The following ROBO2 variants were observed in gnomAD, a reference collection of about 807,000 sequenced individuals.
The protein encoded by ROBO2 is roundabout homolog 2.
A neutral mutation model predicts 160.8 loss-of-function variants in ROBO2; 53 were observed. The ratio of observed to expected loss-of-function variants is 0.33; its 90% CI spans 0.26 to 0.41. The LOEUF (loss-of-function observed/expected upper bound fraction) is 0.41, where lower values mean the gene tolerates loss of function less well. ROBO2 is among the 10% of genes least tolerant of loss of function. The pLI is 1.00. For missense variants in ROBO2, 1,577 were observed against 1,722.4 expected (o/e 0.92, Z 1.49); for synonymous variants, 664 against 611.7 (o/e 1.09, Z -1.26).
At chr3:76,467,680 C>T (rs770803258) in intron 2 of ROBO2, among the ~76,000 whole-genome samples, 11 of 151,980 alleles carry the variant, frequency 7.2e-5, no homozygotes, top group Non-Finnish European at 1.3e-4. Flanking sequence ...GGAAGGAAGC[C>T]TGAAGTATAC....
intron 2 of ROBO2, among the ~76,000 whole-genome samples, chr3:77,341,097 C>T (rs962464493): frequency 4.6e-5 from 7 of 152,058 alleles, no homozygotes; most frequent in Non-Finnish European, 8.8e-5. Context: ...GGAACGTAGC[C>T]ATGCTTATCA....
At chr3:76,434,047 A>C in intron 2 of ROBO2, 1 of 1,289,252 alleles carries the variant, frequency 7.8e-7, no homozygotes, top group Non-Finnish European at 1.1e-6. Context: ...TGGTAGAAAG[A>C]CTGGAGAGGG....
At chr3:76,008,232 C>CAAAAAAAAA (rs5850225) in intron 2 of ROBO2, among the ~76,000 whole-genome samples, 1 of 82,278 alleles carries the variant, frequency 1.2e-5, no homozygotes, top group Non-Finnish European at 2.4e-5. Flanking sequence ...AAGACTCTGT[C>CAAAAAAAAA]AAAAAAAAAA....
At chr3:77,568,181 T>C (rs2093542215) in intron 12 of ROBO2, 132 bp from the exon 14 acceptor site, 2 of 948,228 alleles carry the variant, frequency 2.1e-6, no homozygotes, top group Non-Finnish European at 3.3e-6. Flanking sequence ...TTAAATGCTT[T>C]TTGTCACAAG....
At chr3:76,692,891 C>T (rs892694921) in intron 2 of ROBO2, among the ~76,000 whole-genome samples, 7 of 151,686 alleles carry the variant, frequency 4.6e-5, no homozygotes, top group Non-Finnish European at 1.0e-4. Flanking sequence ...AACTCTCTCT[C>T]TCTCTCTCTA....
chr3:76,225,929 A>C (rs1180227885), intron 2 of ROBO2, among the ~76,000 whole-genome samples: 1 of 152,156 alleles, frequency 6.6e-6, no homozygotes, highest in Non-Finnish European at 1.5e-5. Flanking sequence ...GATTATGGCA[A>C]ATATGGACCA....
At chr3:77,321,319 T>A (rs2064671483) in intron 2 of ROBO2, among the ~76,000 whole-genome samples, 1 of 152,048 alleles carries the variant, frequency 6.6e-6, no homozygotes, top group Non-Finnish European at 1.5e-5. Context: ...GAGTTCAAGA[T>A]CCGCCTGGGC....
intron 17 of ROBO2, among the ~76,000 whole-genome samples, chr3:77,594,308 G>A (rs1017108951): frequency 5.3e-5 from 8 of 152,100 alleles, no homozygotes; most frequent in African/African-American, 1.9e-4. Flanking sequence ...AGATCCATTT[G>A]GCTGCAAAGG....
At chr3:77,617,957 A>T (rs2094818007) in intron 22 of ROBO2, 184 bp downstream of exon 23, 1 of 576,214 alleles carries the variant, frequency 1.7e-6, no homozygotes, top group Non-Finnish European at 2.9e-6. Context: ...CCAAAACTAG[A>T]ACTAGAACTA....
At chr3:76,522,030 G>T (rs2081648405) in intron 2 of ROBO2, among the ~76,000 whole-genome samples, 2 of 152,098 alleles carry the variant, frequency 1.3e-5, no homozygotes, top group Admixed American at 1.3e-4. Context: ...AGAATTTTGT[G>T]TAATCCTTCA....
Position 77,132,382 on chromosome 3 carries a change from A to AT in ROBO2, c.388+34043dup, listed in dbSNP as rs779732051. 1.8e-3 allele frequency among the ~76,000 whole-genome samples: 229 copies of AT among 129,912 alleles called. 1 individual carries two copies. Among genetic ancestry groups the AT allele is most frequent in the Non-Finnish European group, 2.7e-3 (146 of 53,414 alleles). The allele number at this position is 129,912 out of a possible 152,430, so 85.2% of individuals were successfully genotyped here. On this transcript the variant is annotated intron_variant, in intron 2 of 25. Coordinates refer to ENST00000461745, the Ensembl canonical transcript of ROBO2. ...GTTTTTCCAACTCTCTCTGATTAATATGGGTTTTTTTTGGTGTAATATGTC... is the reference window on the plus strand; with the variant it reads ...GTTTTTCCAACTCTCTCTGATTAATATTGGGTTTTTTTTGGTGTAATATGTC...
At chr3:76,972,446 A>G (rs2059617893) in intron 2 of ROBO2, among the ~76,000 whole-genome samples, 1 of 151,916 alleles carries the variant, frequency 6.6e-6, no homozygotes, top group Non-Finnish European at 1.5e-5. Context: ...AAAGGCGTTG[A>G]TTATATTTTA....
At chr3:76,106,531 T>G (rs907709216) in intron 2 of ROBO2, among the ~76,000 whole-genome samples, 1 of 152,124 alleles carries the variant, frequency 6.6e-6, no homozygotes, top group African/African-American at 2.4e-5. Flanking sequence ...CATAGTTTTA[T>G]TTGGTTGTTG....
intron 2 of ROBO2, among the ~76,000 whole-genome samples, chr3:76,723,714 A>G (rs2093501737): frequency 6.6e-6 from 1 of 152,212 alleles, no homozygotes; most frequent in South Asian, 2.1e-4. Flanking sequence ...TGACTGGTGG[A>G]CACACTTTTC....
chr3:77,218,376 CTTTT>C (rs199847608), intron 2 of ROBO2, among the ~76,000 whole-genome samples: 2 of 140,254 alleles, frequency 1.4e-5, no homozygotes, highest in Non-Finnish European at 1.6e-5. Context: ...TGAAATTATA[CTTTT>C]TTTTTTTTTT....
intron 2 of ROBO2, among the ~76,000 whole-genome samples, chr3:76,759,822 A>T: frequency 6.6e-6 from 1 of 151,780 alleles, no homozygotes; most frequent in East Asian, 2.0e-4. Flanking sequence ...GTTGTAAAAT[A>T]AGAAATTTGG....
chr3:77,109,814 A>T (rs2150167614), intron 2 of ROBO2, among the ~76,000 whole-genome samples: 1 of 152,354 alleles, frequency 6.6e-6, no homozygotes, highest in South Asian at 2.1e-4. Context: ...TATGCTAAGC[A>T]TCCTCACTGA....
At chr3:76,946,410 G>GT (rs1309909190) in intron 2 of ROBO2, among the ~76,000 whole-genome samples, 17 of 151,502 alleles carry the variant, frequency 1.1e-4, no homozygotes, top group East Asian at 2.0e-4. Context: ...CTCTAACTCT[G>GT]TTTTTTTGTT....
intron 2 of ROBO2, chr3:76,434,995 A>G (rs566641132): frequency 1.1e-3 from 1,684 of 1,531,944 alleles, no homozygotes; most frequent in Non-Finnish European, 1.4e-3. Flanking sequence ...TGGAGAGTGG[A>G]AAATCAGGAA....
Sources: allele counts gnomAD v4.1 joint callset (sites outside exome capture counted in the v4.1 genomes callset), GRCh38; gene constraint gnomAD v4.1.1; transcripts MANE v1.5; gene names NCBI Gene and HGNC (gene_info 2026-07-23, HGNC 2026-07-21).